SRGAP2C: variants seen among roughly 807,000 people sequenced by gnomAD.
SRGAP2C encodes the protein SLIT-ROBO Rho GTPase activating protein 2C, also known as SLIT-ROBO Rho GTPase-activating protein 2C.
In SRGAP2C, 15 loss-of-function variants were observed where a neutral mutation model predicts 25.1. The observed-to-expected ratio is 0.60, with a 90% confidence interval of 0.40 to 0.92. The LOEUF is 0.92. Ranked by LOEUF, SRGAP2C falls within the 40% of genes least tolerant of loss-of-function variation. The probability of loss-of-function intolerance (pLI) is 0.00; values close to 1 mark genes in which losing one functional copy is unlikely to be tolerated. For synonymous variants in SRGAP2C, 44 were observed against 96.6 expected (o/e 0.46, Z 3.19); for missense variants, 144 against 264.4 (o/e 0.54, Z 3.16).
intron 4 of SRGAP2C, among the ~76,000 whole-genome samples, chr1:121,345,673 A>T (rs1383713267): frequency 1.9e-4 from 16 of 85,234 alleles, no homozygotes; most frequent in East Asian, 7.9e-4. Context: ...TTTTTTTGAG[A>T]TGGAGTTTTG....
At chr1:121,275,114 C>T (rs1657072861) in intron 2 of SRGAP2C, among the ~76,000 whole-genome samples, 1 of 142,086 alleles carries the variant, frequency 7.0e-6, no homozygotes, top group Non-Finnish European at 1.5e-5. Context: ...TAGTCTGGGA[C>T]CATTATTTTG....
intron 2 of SRGAP2C, among the ~76,000 whole-genome samples, chr1:121,217,632 G>A (rs1655423930): frequency 6.6e-6 from 1 of 151,992 alleles, no homozygotes; most frequent in African/African-American, 2.4e-5. Flanking sequence ...TCTCTTTTTA[G>A]TTGTCTTTCT....
In SRGAP2C at chr1:121,270,823, C is replaced by T. The variant is rs587728940; in HGVS notation, c.68-13980C>T. On this transcript the variant is annotated intron_variant, in intron 2 of 9. Coordinates refer to ENST00000367123, the MANE Select transcript of SRGAP2C (RefSeq NM_001329984.2). ...TTTTTTTTTTTTTGAGACGGAGTCT[C>T]GCTCTGTCGCCCAGGCTGGAGTGCA... Among the ~76,000 whole-genome samples, 613 of 147,132 alleles carry T rather than the reference C, an allele frequency of 4.2e-3. 12 individuals carry two copies. The highest frequency in any genetic ancestry group is 6.1e-3 in the Non-Finnish European group (407 of 67,086).
chr1:121,207,693 A>G (rs1655149785), intron 2 of SRGAP2C, among the ~76,000 whole-genome samples: 1 of 152,166 alleles, frequency 6.6e-6, no homozygotes, highest in Admixed American at 6.5e-5. Flanking sequence ...ATTTATAGGA[A>G]ATTATATTTC....
intron 2 of SRGAP2C, among the ~76,000 whole-genome samples, chr1:121,266,549 G>A (rs1553334314): frequency 2.0e-5 from 3 of 149,094 alleles, no homozygotes; most frequent in Admixed American, 1.3e-4. Flanking sequence ...AGGAAACGAA[G>A]GAGTTGCCAT....
chr1:121,314,410 CCTT>C (rs1325724082), intron 3 of SRGAP2C, among the ~76,000 whole-genome samples: 9 of 152,168 alleles, frequency 5.9e-5, no homozygotes, highest in Non-Finnish European at 8.8e-5. Flanking sequence ...TCGTCTGAAG[CCTT>C]CTTCTCTCAG....
Position 121,391,089 on chromosome 1 carries a change from T to G in SRGAP2C, c.*3234T>G, listed in dbSNP as rs1280542246. On this transcript the variant is annotated 3_prime_UTR_variant, in exon 10 of 10. Transcript: ENST00000367123. ...AAATAAATAAATCTGCTGGGCGTGGTGGCTCACGCCTGTAATCCCAGCACT... is the reference window on the plus strand; with the variant it reads ...AAATAAATAAATCTGCTGGGCGTGGGGGCTCACGCCTGTAATCCCAGCACT... 7.7e-5 allele frequency: 11 copies of G among 142,376 alleles called. No individual in the cohort carries two copies. The highest frequency in any genetic ancestry group is 2.9e-4 in the African/African-American group (11 of 38,368). 8.8% of individuals were successfully genotyped at this position (142,376 alleles called of 1,614,324 possible). A position where few individuals can be genotyped will look rare whatever the true frequency, so the allele number is the denominator to read the frequency against.
At position 121,374,810 on chromosome 1, in the gene SRGAP2C, T is replaced by A; in HGVS notation, c.703-16T>A. On this transcript the variant is annotated splice_polypyrimidine_tract_variant and intron_variant, in intron 6 of 9. Transcript: ENST00000367123. ...TTAAAAAAAAAGGTAAAAGTGAACT[T>A]CTGTTTCCTTTTCAGCACCAAGCCA... 1 of 758,654 alleles carries A rather than the reference T, an allele frequency of 1.3e-6. No homozygotes were observed. Among genetic ancestry groups the A allele is most frequent in the Non-Finnish European group, 2.5e-6 (1 of 407,192 alleles). 47.0% of individuals were successfully genotyped at this position (758,654 alleles called of 1,614,324 possible). A position where few individuals can be genotyped will look rare whatever the true frequency, so the allele number is the denominator to read the frequency against.
chr1:121,315,148 A>G (rs1189781150), intron 3 of SRGAP2C: 3 of 386,954 alleles, frequency 7.8e-6, no homozygotes, highest in Admixed American at 3.8e-5. Flanking sequence ...CTCCGTCTCT[A>G]TTTATTTATT....
intron 7 of SRGAP2C, among the ~76,000 whole-genome samples, chr1:121,378,405 A>G (rs1553353913): frequency 7.0e-6 from 1 of 143,190 alleles, no homozygotes; most frequent in African/African-American, 2.7e-5. Context: ...CCCCAAGGCA[A>G]CCACTGTTAT....
In SRGAP2C at chr1:121,392,162, T is replaced by C. The variant is rs1377555226; in HGVS notation, c.*4307T>C. The C allele has an allele frequency of 5.3e-5, 8 of 152,044 alleles. No homozygotes were observed. The highest frequency in any genetic ancestry group is 1.9e-4 in the African/African-American group (8 of 41,396). The allele number at this position is 152,044 out of a possible 1,614,324, so 9.4% of individuals were successfully genotyped here. On this transcript the variant is annotated 3_prime_UTR_variant, in exon 10 of 10. Coordinates refer to ENST00000367123, the MANE Select transcript of SRGAP2C (RefSeq NM_001329984.2). Reference sequence around the variant, plus strand: ...TCTGAGAAACAGAAAGAATAAAAAATAAACAATGAGCAGAGACTAATGAAT... The same window carrying C: ...TCTGAGAAACAGAAAGAATAAAAAACAAACAATGAGCAGAGACTAATGAAT...
intron 3 of SRGAP2C, among the ~76,000 whole-genome samples, chr1:121,323,408 G>A (rs1364194205): frequency 1.3e-5 from 2 of 151,856 alleles, no homozygotes; most frequent in Admixed American, 1.3e-4. Context: ...ATGAGGTCGG[G>A]AGTTCAAGAT....
chr1:121,239,301 C>T (rs1313354279), intron 2 of SRGAP2C, among the ~76,000 whole-genome samples: 5 of 10,238 alleles, frequency 4.9e-4, no homozygotes, highest in African/African-American at 7.8e-4. Context: ...TATATATATA[C>T]ATGCAACAAA....
intron 2 of SRGAP2C, among the ~76,000 whole-genome samples, chr1:121,221,067 T>C (rs1436781985): frequency 2.0e-5 from 3 of 150,574 alleles, no homozygotes; most frequent in Non-Finnish European, 4.4e-5. Context: ...CATGCCCGAC[T>C]GATTTTTATA....
At chr1:121,267,882 A>AT (rs1313256886) in intron 2 of SRGAP2C, among the ~76,000 whole-genome samples, 2 of 151,662 alleles carry the variant, frequency 1.3e-5, no homozygotes, top group Non-Finnish European at 1.5e-5. Flanking sequence ...ACTCTTGCTT[A>AT]TTTTTTTAAA....
At chr1:121,378,395 C>A (rs1192219800) in intron 7 of SRGAP2C, among the ~76,000 whole-genome samples, 1 of 139,342 alleles carries the variant, frequency 7.2e-6, no homozygotes, top group African/African-American at 2.8e-5. Context: ...CAATCCCCCA[C>A]CCCAAGGCAA....
intron 3 of SRGAP2C, among the ~76,000 whole-genome samples, chr1:121,296,013 G>A (rs1404660130): frequency 1.3e-5 from 2 of 151,460 alleles, no homozygotes; most frequent in Non-Finnish European, 2.9e-5. Context: ...CGCACACCTT[G>A]GCCTCCCAAA....
At chr1:121,307,708 T>G (rs1657875577) in intron 3 of SRGAP2C, among the ~76,000 whole-genome samples, 1 of 149,644 alleles carries the variant, frequency 6.7e-6, no homozygotes, top group African/African-American at 2.5e-5. Context: ...CGTTACAGGA[T>G]GACCCCAATC....
intron 2 of SRGAP2C, among the ~76,000 whole-genome samples, chr1:121,230,840 G>A (rs1553327421): frequency 6.6e-6 from 1 of 152,088 alleles, no homozygotes; most frequent in East Asian, 1.9e-4. Flanking sequence ...AAACACCATG[G>A]AATACTATGC....
Sources: gnomAD v4.1 joint callset for allele counts (sites outside exome capture counted in the v4.1 genomes callset) on GRCh38, gnomAD v4.1.1 for gene constraint, MANE v1.5 for transcripts, NCBI Gene and HGNC (gene_info 2026-07-23, HGNC 2026-07-21) for gene names.